Variants in SMYD3 observed in about 807,000 individuals in gnomAD.
SMYD3 encodes SET and MYND domain containing 3.
SMYD3 carries 36 observed loss-of-function variants against 57.7 expected under a neutral mutation model. The ratio of observed to expected loss-of-function variants is 0.62; its 90% CI spans 0.48 to 0.82. The LOEUF (loss-of-function observed/expected upper bound fraction) is 0.82, where lower values mean the gene tolerates loss of function less well. Among genes scored for constraint, SMYD3 ranks in the 40% least tolerant of loss-of-function variants. The pLI is 0.00. For synonymous variants in SMYD3, 211 were observed against 195.0 expected (o/e 1.08, Z -0.68); for missense variants, 515 against 538.8 (o/e 0.96, Z 0.44).
chr1:246,421,948 T>C (rs990239058), intron 1 of SMYD3, among the ~76,000 whole-genome samples: 2 of 152,192 alleles, frequency 1.3e-5, no homozygotes, highest in African/African-American at 4.8e-5. Context: ...AATAGACTGA[T>C]GAGGGTGATC....
chr1:245,942,240 C>T (rs989595364), intron 5 of SMYD3, among the ~76,000 whole-genome samples: 10 of 152,130 alleles, frequency 6.6e-5, no homozygotes, highest in Admixed American at 2.0e-4. Flanking sequence ...ACCCATCTCA[C>T]GTGCAAAGAC....
chr1:246,374,963 C>T (rs2066250040), intron 1 of SMYD3, among the ~76,000 whole-genome samples: 1 of 152,176 alleles, frequency 6.6e-6, no homozygotes, highest in Admixed American at 6.5e-5. Flanking sequence ...CATGGTGGCT[C>T]ATGCCTGTAA....
intron 8 of SMYD3, among the ~76,000 whole-genome samples, chr1:245,886,772 C>G: frequency 6.6e-6 from 1 of 152,150 alleles, no homozygotes; most frequent in East Asian, 1.9e-4. Flanking sequence ...CTTCTTGGTT[C>G]TACACACACT....
chr1:245,964,771 G>A (rs532885260), intron 5 of SMYD3, among the ~76,000 whole-genome samples: 9 of 137,208 alleles, frequency 6.6e-5, no homozygotes, highest in African/African-American at 2.2e-4. Flanking sequence ...CTTCTGAAAT[G>A]AAAAAGCAAA....
At chr1:246,234,563 A>G (rs1166310063) in intron 5 of SMYD3, among the ~76,000 whole-genome samples, 17 of 152,018 alleles carry the variant, frequency 1.1e-4, no homozygotes, top group African/African-American at 4.1e-4. Context: ...TTCAATTCAC[A>G]CTGTGATGAA....
At chr1:246,456,615 G>A (rs148480834) in intron 1 of SMYD3, among the ~76,000 whole-genome samples, 2 of 152,234 alleles carry the variant, frequency 1.3e-5, no homozygotes, top group Non-Finnish European at 2.9e-5. Context: ...TGCCTCTGTT[G>A]AAGCATTTAG....
intron 8 of SMYD3, among the ~76,000 whole-genome samples, chr1:245,880,894 A>G (rs901130786): frequency 2.0e-5 from 3 of 152,228 alleles, no homozygotes; most frequent in Non-Finnish European, 4.4e-5. Context: ...ACAGTTGCCC[A>G]AGAGTGGAAC....
chr1:246,322,411 G>A (rs530308030), intron 5 of SMYD3: 1 of 151,602 alleles, frequency 6.6e-6, no homozygotes, highest in African/African-American at 2.4e-5. Context: ...GTTTGAAAAT[G>A]GAAGTGGAGA....
At chr1:245,930,106 A>G in intron 5 of SMYD3, 169 bp from the exon 6 acceptor site, 1 of 640,314 alleles carries the variant, frequency 1.6e-6, no homozygotes, top group Non-Finnish European at 2.9e-6. Context: ...TTTATCTGGG[A>G]TATACTCCCC....
chr1:245,753,251 G>T, intron 11 of SMYD3, among the ~76,000 whole-genome samples: 3 of 111,620 alleles, frequency 2.7e-5, no homozygotes, highest in South Asian at 3.1e-4. Flanking sequence ...TGAAGCAACT[G>T]AAAAAAAAAA....
chr1:246,370,513 C>A (rs1420832189), intron 1 of SMYD3, among the ~76,000 whole-genome samples: 1 of 152,138 alleles, frequency 6.6e-6, no homozygotes, highest in African/African-American at 2.4e-5. Flanking sequence ...CATCTTGTAG[C>A]CTCAATTTCC....
chr1:246,488,303 G>C (rs887941029), intron 1 of SMYD3, among the ~76,000 whole-genome samples: 3 of 152,336 alleles, frequency 2.0e-5, no homozygotes, highest in South Asian at 4.1e-4. Flanking sequence ...CTCTGATACA[G>C]AAAGGTCAAG....
intron 5 of SMYD3, among the ~76,000 whole-genome samples, chr1:246,118,616 C>T (rs1340485014): frequency 1.3e-5 from 2 of 152,230 alleles, no homozygotes; most frequent in African/African-American, 4.8e-5. Context: ...AACAAATCCT[C>T]CATCCTCTGC....
At chr1:245,751,444 T>C (rs1044610018) in intron 11 of SMYD3, among the ~76,000 whole-genome samples, 2 of 152,122 alleles carry the variant, frequency 1.3e-5, no homozygotes, top group African/African-American at 4.8e-5. Context: ...GTTTCTGGCT[T>C]CTTTTTTCAC....
At chr1:245,801,774 G>T (rs886624645) in intron 10 of SMYD3, among the ~76,000 whole-genome samples, 9 of 147,456 alleles carry the variant, frequency 6.1e-5, no homozygotes, top group Middle Eastern at 3.6e-3. Context: ...ATGGGCTAAA[G>T]CTAATAATTG....
chr1:246,125,029 G>A lies in SMYD3; in HGVS notation c.532-195092C>T, dbSNP rs375782975. On this transcript the variant is annotated intron_variant, in intron 5 of 11. Coordinates refer to ENST00000490107, the MANE Select transcript of SMYD3 (RefSeq NM_001167740.2). ...GGAGCTTGCAGTGAGCCGAGATCGCGCCACTGCACTCCAGCCTGGGCGACA... is the reference window on the plus strand; with the variant it reads ...GGAGCTTGCAGTGAGCCGAGATCGCACCACTGCACTCCAGCCTGGGCGACA... Among the ~76,000 whole-genome samples the A allele has an allele frequency of 2.1e-3, 302 of 146,086 alleles. 2 individuals are homozygous for A. Among genetic ancestry groups the A allele is most frequent in the African/African-American group, 7.1e-3 (281 of 39,396 alleles).
At chr1:246,191,834 G>A (rs917685084) in intron 5 of SMYD3, among the ~76,000 whole-genome samples, 9 of 152,094 alleles carry the variant, frequency 5.9e-5, no homozygotes, top group Admixed American at 3.3e-4. Context: ...GTATGGCCAC[G>A]GACCAACAGC....
At chr1:245,886,802 C>G (rs975448944) in intron 8 of SMYD3, among the ~76,000 whole-genome samples, 1 of 152,108 alleles carries the variant, frequency 6.6e-6, no homozygotes, top group Non-Finnish European at 1.5e-5. Flanking sequence ...CTGGCTATTG[C>G]GGGTCGAAAG....
At chr1:245,923,511 T>A (rs910057857) in intron 7 of SMYD3, among the ~76,000 whole-genome samples, 2 of 152,176 alleles carry the variant, frequency 1.3e-5, no homozygotes, top group African/African-American at 4.8e-5. Flanking sequence ...TCGGGTCACA[T>A]CTAAATTCTT....
Sources: gnomAD v4.1 joint callset for allele counts (sites outside exome capture counted in the v4.1 genomes callset) on GRCh38, gnomAD v4.1.1 for gene constraint, MANE v1.5 for transcripts, NCBI Gene and HGNC (gene_info 2026-07-23, HGNC 2026-07-21) for gene names.